PAQR3: variants seen among roughly 807,000 people sequenced by gnomAD.
The protein encoded by PAQR3 is Raf kinase trapping to Golgi.
Under a neutral mutation model 41.7 loss-of-function variants are expected in PAQR3, and 39 were observed. The observed-to-expected ratio is 0.93, with a 90% CI of 0.72 to 1.22. PAQR3 has a LOEUF of 1.22. Among genes scored for constraint, PAQR3 ranks in the 50% most tolerant of loss-of-function variants. The probability of loss-of-function intolerance (pLI) is 0.00; values close to 1 mark genes in which losing one functional copy is unlikely to be tolerated. For synonymous variants in PAQR3, 140 were observed against 140.6 expected, an observed-to-expected ratio of 1.00 and a Z score of 0.03; for missense variants, 366 against 385.6, an observed-to-expected ratio of 0.95 and a Z score of 0.42.
intron 5 of PAQR3, chr4:78,921,565 G>A (rs1735663551): frequency 4.1e-6 from 3 of 732,382 alleles, no homozygotes; most frequent in Non-Finnish European, 5.0e-6. Flanking sequence ...ACAAAACACA[G>A]AGGATTACAA....
At chr4:78,924,043 C>A in intron 4 of PAQR3, 96 bp from the exon 5 acceptor site, 1 of 971,650 alleles carries the variant, frequency 1.0e-6, no homozygotes, top group South Asian at 1.4e-5. Flanking sequence ...ATTGTTAAAT[C>A]TGAACTGTTT....
At chr4:78,911,250 G>A (rs762795615), downstream of PAQR3, 30 of 1,613,970 alleles carry the variant, frequency 1.9e-5, no homozygotes, top group East Asian at 1.6e-4. Flanking sequence ...TCACAAAGGC[G>A]CCTTTTAGCA....
intron 11 of PAQR3, among the ~76,000 whole-genome samples, chr4:78,888,670 C>T (rs757363679): frequency 1.6e-4 from 25 of 152,082 alleles, no homozygotes; most frequent in Non-Finnish European, 2.8e-4. Context: ...TGGAGGTTGG[C>T]CTAAAGATTT....
In PAQR3 at chr4:78,914,049, C is replaced by T. The variant is rs1393569049; in HGVS notation, c.*6490G>A. ...TTACACATAGTAAATTCATGAACTA[C>T]AGTAGGTTTGTATCAAACAATTTTT... On this transcript the variant is annotated 3_prime_UTR_variant, in exon 6 of 6. Coordinates refer to ENST00000512733, the MANE Select transcript of PAQR3 (RefSeq NM_001040202.2). 6.6e-6 allele frequency: 1 copy of T among 151,668 alleles called. No individual in the cohort carries two copies. Among genetic ancestry groups the T allele is most frequent in the Non-Finnish European group, 1.5e-5 (1 of 67,906 alleles). The allele number at this position is 151,668 out of a possible 1,614,324, so 9.4% of individuals were successfully genotyped here.
At chr4:78,911,549 C>A, downstream of PAQR3, 1 of 1,614,014 alleles carries the variant, frequency 6.2e-7, no homozygotes, top group Non-Finnish European at 8.5e-7. Flanking sequence ...CATGGCACGC[C>A]AACTAGCACA....
chr4:78,910,806 C>T, downstream of PAQR3: 1 of 1,613,778 alleles, frequency 6.2e-7, no homozygotes. Flanking sequence ...CTCCTAAGAG[C>T]AGTGAAGAGG....
Position 78,926,655 on chromosome 4 carries a change from T to C in PAQR3, c.568A>G (p.Ile190Val), listed in dbSNP as rs200952695. 2 of 1,614,036 alleles carry C rather than the reference T, an allele frequency of 1.2e-6. No individual in the cohort carries two copies. The highest frequency in any genetic ancestry group is 3.3e-5 in the Admixed American group (2 of 60,004). The stretch of plus-strand genomic sequence containing the variant: ...TGCTGCGTGAGGTAATTGGGATGAA[T>C]CTGCGCAAAGAACACTGCCAGGATC... Reference protein sequence around the residue: ...AMILAVFFAQIHPNYLTQQWQ... With the variant: ...AMILAVFFAQVHPNYLTQQWQ... The change falls in exon 4 of 6, where the codon ATT becomes GTT. Residue 190 changes from isoleucine to valine, a missense_variant. Physicochemically the swap from Ile to Val is conservative, Grantham distance 29. Coordinates refer to ENST00000512733, the MANE Select transcript of PAQR3 (RefSeq NM_001040202.2).
intron 11 of PAQR3, among the ~76,000 whole-genome samples, chr4:78,889,064 A>G (rs1190147303): frequency 6.6e-6 from 1 of 152,094 alleles, no homozygotes; most frequent in Non-Finnish European, 1.5e-5. Flanking sequence ...TACTAAAAAT[A>G]CAAAAAATCA....
At chr4:78,889,751 C>CA (rs767288620) in intron 11 of PAQR3, among the ~76,000 whole-genome samples, 2 of 152,114 alleles carry the variant, frequency 1.3e-5, no homozygotes, top group Non-Finnish European at 1.5e-5. Flanking sequence ...TGTGTATATA[C>CA]AATACAGAAT....
In PAQR3 at chr4:78,915,217, ATTG is replaced by A. The variant is rs1361565698; in HGVS notation, c.*5319_*5321del. On this transcript the variant is annotated 3_prime_UTR_variant, in exon 6 of 6. Transcript: ENST00000512733. ...CACAACTTTCAGTCTTACCCTGTTT[ATTG>A]TTTAAGAGTGATAGACTGTTGTCCT... 1 of 151,954 alleles carries A rather than the reference ATTG, an allele frequency of 6.6e-6. No individual in the cohort carries two copies. Among genetic ancestry groups the A allele is most frequent in the African/African-American group, 2.4e-5 (1 of 41,420 alleles). 9.4% of individuals were successfully genotyped at this position (151,954 alleles called of 1,614,324 possible). A position where few individuals can be genotyped will look rare whatever the true frequency, so the allele number is the denominator to read the frequency against.
intron 11 of PAQR3, among the ~76,000 whole-genome samples, chr4:78,895,566 G>C (rs1733659246): frequency 6.6e-6 from 1 of 151,808 alleles, no homozygotes; most frequent in Admixed American, 6.6e-5. Flanking sequence ...AAAAAAAAGA[G>C]GTAATGAAAT....
At chr4:78,907,465 G>A (rs1043493612), downstream of PAQR3, among the ~76,000 whole-genome samples, 15 of 152,240 alleles carry the variant, frequency 9.9e-5, no homozygotes, top group African/African-American at 3.4e-4. Context: ...TCTGTCCTAC[G>A]TTAAATGTTC....
chr4:78,889,701 T>C (rs377400763), intron 11 of PAQR3, among the ~76,000 whole-genome samples: 26 of 152,298 alleles, frequency 1.7e-4, no homozygotes, highest in African/African-American at 5.8e-4. Context: ...TTTCTAGGAC[T>C]AGGACCCAAG....
intron 11 of PAQR3, among the ~76,000 whole-genome samples, chr4:78,889,408 A>G (rs1260160676): frequency 6.6e-6 from 1 of 152,160 alleles, no homozygotes; most frequent in Non-Finnish European, 1.5e-5. Context: ...ATCACTGTGC[A>G]ATATTAGCAC....
At chr4:78,904,113 G>GA (rs1350160890) in intron 11 of PAQR3, among the ~76,000 whole-genome samples, 1 of 151,956 alleles carries the variant, frequency 6.6e-6, no homozygotes, top group Non-Finnish European at 1.5e-5. Flanking sequence ...AGAGATAAGA[G>GA]AAAGCCAAGG....
intron 11 of PAQR3, among the ~76,000 whole-genome samples, chr4:78,901,948 A>C (rs1446064518): frequency 2.0e-5 from 3 of 152,212 alleles, no homozygotes; most frequent in African/African-American, 4.8e-5. Flanking sequence ...TCTAATAGGA[A>C]GTTAAATTGA....
intron 12 of PAQR3, among the ~76,000 whole-genome samples, chr4:78,887,482 GA>G (rs1219847937): frequency 6.6e-6 from 1 of 152,036 alleles, no homozygotes; most frequent in African/African-American, 2.4e-5. Context: ...TGCCAACATA[GA>G]AAAATGCTGA....
intron 2 of PAQR3, chr4:78,933,202 G>C (rs1737090795): frequency 2.2e-6 from 1 of 456,240 alleles, no homozygotes; most frequent in African/African-American, 2.0e-5. Flanking sequence ...GTTCTGTTCA[G>C]CACTGTTTTA....
chr4:78,899,722 G>A (rs1733898159), intron 11 of PAQR3, among the ~76,000 whole-genome samples: 1 of 152,092 alleles, frequency 6.6e-6, no homozygotes, highest in South Asian at 2.1e-4. Context: ...CAGGGTTAGG[G>A]TGACTGGAAA....
Sources: gnomAD v4.1 joint callset for allele counts (sites outside exome capture counted in the v4.1 genomes callset) on GRCh38, gnomAD v4.1.1 for gene constraint, MANE v1.5 for transcripts, NCBI Gene and HGNC (gene_info 2026-07-23, HGNC 2026-07-21) for gene names.